Variants in SUSD1 observed in about 807,000 individuals in gnomAD.
The protein encoded by SUSD1 is sushi domain-containing protein 1.
Under a neutral mutation model 86.9 loss-of-function variants are expected in SUSD1, and 65 were observed. The observed-to-expected ratio is 0.75, with a 90% confidence interval of 0.61 to 0.92. The LOEUF (loss-of-function observed/expected upper bound fraction) is 0.92, where lower values mean the gene tolerates loss of function less well. SUSD1 is among the 40% of genes least tolerant of loss of function. The pLI is 0.00. For synonymous variants in SUSD1, 346 were observed against 350.0 expected (o/e 0.99, Z 0.13); for missense variants, 850 against 929.7 (o/e 0.91, Z 1.11).
intron 10 of SUSD1, among the ~76,000 whole-genome samples, chr9:112,081,379 G>A (rs1412291705): frequency 6.6e-6 from 1 of 152,216 alleles, no homozygotes; most frequent in Non-Finnish European, 1.5e-5. Context: ...ACCTGTACAA[G>A]TCACAAGCTG....
At chr9:112,160,583 G>T (rs1364933533) in intron 1 of SUSD1, among the ~76,000 whole-genome samples, 1 of 152,112 alleles carries the variant, frequency 6.6e-6, no homozygotes, top group Non-Finnish European at 1.5e-5. Context: ...AGATGGATGG[G>T]CCAGGTACAG....
intron 12 of SUSD1, among the ~76,000 whole-genome samples, chr9:112,066,632 A>G (rs1828990497): frequency 6.6e-6 from 1 of 152,156 alleles, no homozygotes; most frequent in Non-Finnish European, 1.5e-5. Context: ...CTTGTGCCTG[A>G]GATTCTCCGA....
At chr9:112,060,325 G>C (rs1374192185) in intron 13 of SUSD1, among the ~76,000 whole-genome samples, 2 of 152,098 alleles carry the variant, frequency 1.3e-5, no homozygotes, top group Non-Finnish European at 2.9e-5. Context: ...GCAGTGGTGT[G>C]ATCTCAGCTC....
In SUSD1 at chr9:112,064,608, GCTCACGCCTGTAATCC is replaced by G. The variant is rs550130562; in HGVS notation, c.1754-1591_1754-1576del. Reference sequence around the variant, plus strand: ...TTTGGCCGGGTGCGGGGGTGCGGTGGCTCACGCCTGTAATCCCAGCACTTTGGAAGGCCAAGGCAGG... The same window carrying G: ...TTTGGCCGGGTGCGGGGGTGCGGTGGCAGCACTTTGGAAGGCCAAGGCAGG... On this transcript the variant is annotated intron_variant, in intron 12 of 16. Coordinates refer to ENST00000374270, the MANE Select transcript of SUSD1 (RefSeq NM_022486.5). 2.5e-3 allele frequency among the ~76,000 whole-genome samples: 387 copies of G among 152,334 alleles called. 2 individuals carry two copies. The highest frequency in any genetic ancestry group is 4.7e-3 in the Non-Finnish European group (322 of 68,038).
rs867070753 is a variant in SUSD1, at chr9:112,057,038, G to A, written c.2109+1390C>T. Among the ~76,000 whole-genome samples, 3 of 152,320 alleles carry A rather than the reference G, an allele frequency of 2.0e-5. No individual in the cohort carries two copies. In the South Asian group the frequency reaches 6.2e-4, roughly 32 times the overall value. ...GTATTTGGAGGCAGGATCTTTGGGA[G>A]AGAAATAGATTCAGAAGAGATTATA... On this transcript the variant is annotated intron_variant, in intron 14 of 16. Coordinates refer to ENST00000374270, the MANE Select transcript of SUSD1 (RefSeq NM_022486.5).
At chr9:112,049,352 T>A (rs927660988) in intron 15 of SUSD1, among the ~76,000 whole-genome samples, 1 of 152,184 alleles carries the variant, frequency 6.6e-6, no homozygotes, top group African/African-American at 2.4e-5. Flanking sequence ...AATCACAGAC[T>A]CATAATACTC....
At chr9:112,139,815 G>C (rs1239733427) in intron 5 of SUSD1, among the ~76,000 whole-genome samples, 3 of 152,010 alleles carry the variant, frequency 2.0e-5, no homozygotes, top group Non-Finnish European at 4.4e-5. Flanking sequence ...ATAGATTGAT[G>C]TTTCCTTTAG....
At position 112,058,614 on chromosome 9, in the gene SUSD1, G is replaced by C; in HGVS notation, c.1923C>G (p.Ser641=). The C allele has an allele frequency of 1.2e-6, 2 of 1,614,172 alleles. No homozygotes were observed. Among genetic ancestry groups the C allele is most frequent in the Middle Eastern group, 1.6e-4 (1 of 6,062 alleles). ...TFSCDSEGAS[S]FFSNASDADG... is the part of the protein sequence containing the mutation. ...CAGCATCAGAGGCGTTGCTAAAGAAGGAGGAAGCGCCTTCAGAATCACAAG... is the reference window on the plus strand; with the variant it reads ...CAGCATCAGAGGCGTTGCTAAAGAACGAGGAAGCGCCTTCAGAATCACAAG... The change falls in exon 14 of 17, where the codon TCC becomes TCG. Residue 641 remains serine (S), a synonymous_variant. Transcript: ENST00000374270.
chr9:112,116,013 A>T (rs754981471), intron 6 of SUSD1, among the ~76,000 whole-genome samples: 13 of 152,100 alleles, frequency 8.5e-5, no homozygotes, highest in Middle Eastern at 3.4e-3. Flanking sequence ...AGCTCTTGGC[A>T]TCTCTGCTCA....
At chr9:112,108,547 G>A (rs1830942453) in intron 8 of SUSD1, among the ~76,000 whole-genome samples, 1 of 152,024 alleles carries the variant, frequency 6.6e-6, no homozygotes, top group African/African-American at 2.4e-5. Context: ...GGAGGCAGAG[G>A]CAGGCATATC....
intron 5 of SUSD1, among the ~76,000 whole-genome samples, chr9:112,129,850 T>A (rs1336506123): frequency 6.6e-6 from 1 of 152,204 alleles, no homozygotes; most frequent in Non-Finnish European, 1.5e-5. Context: ...CAAGATGCAA[T>A]AAATGCTGCT....
intron 1 of SUSD1, among the ~76,000 whole-genome samples, chr9:112,174,794 C>T (rs1834195484): frequency 6.6e-6 from 1 of 152,260 alleles, no homozygotes; most frequent in South Asian, 2.1e-4. Flanking sequence ...CCCCGCCCTT[C>T]CCCGGGCGCC....
chr9:112,159,165 A>T (rs906871652), intron 1 of SUSD1, among the ~76,000 whole-genome samples: 1 of 152,232 alleles, frequency 6.6e-6, no homozygotes, highest in Non-Finnish European at 1.5e-5. Context: ...ATATGGCCCA[A>T]GATCAAACAA....
In SUSD1 at chr9:112,053,499, A is replaced by G. The variant is rs569085755; in HGVS notation, c.2110-1061T>C. Among the ~76,000 whole-genome samples the G allele has an allele frequency of 6.6e-3, 816 of 124,408 alleles. 2 individuals carry two copies. The highest frequency in any genetic ancestry group is 0.011 in the Non-Finnish European group (651 of 61,892). 81.6% of individuals were successfully genotyped at this position (124,408 alleles called of 152,430 possible). A position where few individuals can be genotyped will look rare whatever the true frequency, so the allele number is the denominator to read the frequency against. On this transcript the variant is annotated intron_variant, in intron 14 of 16. Coordinates refer to ENST00000374270, the MANE Select transcript of SUSD1 (RefSeq NM_022486.5). ...ATTGCACTCCAGCCTGGGCAACAGA[A>G]TGAGACTTCGTCTCAAAAAAAAAAA... is the stretch of plus-strand genomic sequence containing the variant.
At chr9:112,155,295 G>A (rs1833248748) in intron 2 of SUSD1, among the ~76,000 whole-genome samples, 1 of 151,614 alleles carries the variant, frequency 6.6e-6, no homozygotes, top group South Asian at 2.1e-4. Context: ...ATGGGAGGAG[G>A]AATTCCTTTG....
chr9:112,139,822 T>C (rs1360795812), intron 5 of SUSD1, among the ~76,000 whole-genome samples: 1 of 152,210 alleles, frequency 6.6e-6, no homozygotes, highest in Non-Finnish European at 1.5e-5. Context: ...GATGTTTCCT[T>C]TAGATTATGG....
At chr9:112,153,612 CTT>C (rs373913503) in intron 2 of SUSD1, among the ~76,000 whole-genome samples, 161 of 130,584 alleles carry the variant, frequency 1.2e-3, no homozygotes, top group Middle Eastern at 3.8e-3. Context: ...ACATACTATA[CTT>C]TTTTTTTTTT....
Position 112,058,693 on chromosome 9 carries a change from G to A in SUSD1, c.1851-7C>T, listed in dbSNP as rs1242656709. On this transcript the variant is annotated splice_region_variant and splice_polypyrimidine_tract_variant and intron_variant, in intron 13 of 16. Transcript: ENST00000374270. ...CACTAACACCTGATATGAACTGGAA[G>A]AAAAAAGGAGAAGTGTCCATCAGAC... 1 of 1,608,520 alleles carries A rather than the reference G, an allele frequency of 6.2e-7. No homozygotes were observed. Among genetic ancestry groups the A allele is most frequent in the Non-Finnish European group, 8.5e-7 (1 of 1,178,384 alleles).
chr9:112,143,331 G>T, intron 4 of SUSD1, 140 bp downstream of exon 4: 1 of 815,680 alleles, frequency 1.2e-6, no homozygotes, highest in Non-Finnish European at 1.8e-6. Context: ...GTTGTTATTT[G>T]CTTTATGTCA....
Sources: gnomAD v4.1 joint callset for allele counts (sites outside exome capture counted in the v4.1 genomes callset) on GRCh38, gnomAD v4.1.1 for gene constraint, MANE v1.5 for transcripts, NCBI Gene and HGNC (gene_info 2026-07-23, HGNC 2026-07-21) for gene names.